The following MAX variants were observed in gnomAD, a reference collection of about 807,000 sequenced individuals.
The protein encoded by MAX is MYC associated transcriptional regulator X, also known as protein max.
In MAX, 3 loss-of-function variants were observed where a neutral mutation model predicts 22.3. The observed-to-expected ratio is 0.13, with a 90% CI of 0.06 to 0.35. The LOEUF (loss-of-function observed/expected upper bound fraction) is 0.35. Ranked by LOEUF, MAX falls within the 10% of genes least tolerant of loss-of-function variation. The pLI is 1.00. For synonymous variants in MAX, 72 were observed against 77.7 expected (o/e 0.93, Z 0.39); for missense variants, 119 against 209.4 (o/e 0.57, Z 2.66).
intron 3 of MAX, among the ~76,000 whole-genome samples, chr14:65,042,574 C>T (rs540025638): frequency 1.3e-5 from 2 of 152,312 alleles, no homozygotes; most frequent in East Asian, 3.9e-4. Flanking sequence ...GGCTCACCCA[C>T]CACTCATGTC....
rs1033614965 is a variant in MAX, at chr14:65,009,407, C to T, written c.172-3123G>A. On this transcript the variant is annotated intron_variant, in intron 3 of 3. Coordinates refer to the MAX transcript ENST00000341653. This position sits in a 1 kb window ranked among gnomAD's most constrained non-coding sequence, Gnocchi z 4.2. ...TCATGTAGATTCCCTAACACACCCA[C>T]CACCGTGGCCACTCCACAGCTCTCC... Among the ~76,000 whole-genome samples, 87 of 152,150 alleles carry T rather than the reference C, an allele frequency of 5.7e-4. No homozygotes were observed. Among genetic ancestry groups the T allele is most frequent in the African/African-American group, 2.1e-3 (86 of 41,422 alleles).
At chr14:65,052,463 T>C (rs538001518) in intron 3 of MAX, among the ~76,000 whole-genome samples, 1 of 152,308 alleles carries the variant, frequency 6.6e-6, no homozygotes, top group Non-Finnish European at 1.5e-5. Flanking sequence ...GTACATCCTA[T>C]ATGTATATAT....
At chr14:65,019,088 G>A (rs1384826583) in intron 3 of MAX, among the ~76,000 whole-genome samples, 2 of 152,138 alleles carry the variant, frequency 1.3e-5, no homozygotes, top group South Asian at 2.1e-4. Flanking sequence ...CAGGAGACTC[G>A]CTTGAACCCG....
Position 65,077,039 on chromosome 14 carries a change from C to T in MAX, c.296-376G>A. ...CATGAGGCTCCACAAGGTGTGAGGCCACACAACAGCAGGAAAGGATGACAT... is the reference window on the plus strand; with the variant it reads ...CATGAGGCTCCACAAGGTGTGAGGCTACACAACAGCAGGAAAGGATGACAT... On this transcript the variant is annotated intron_variant, in intron 4 of 4. Transcript: ENST00000358664. This position sits in a 1 kb window ranked among gnomAD's most constrained non-coding sequence, Gnocchi z 6.3. The T allele has an allele frequency of 3.6e-6, 2 of 548,264 alleles. No individual in the cohort carries two copies. The highest frequency in any genetic ancestry group is 6.5e-6 in the Non-Finnish European group (2 of 307,418). The allele number at this position is 548,264 out of a possible 1,614,324, so 34.0% of individuals were successfully genotyped here.
Position 65,011,245 on chromosome 14 carries a change from T to C in MAX, c.172-4961A>G, listed in dbSNP as rs1373275802. 6.6e-6 allele frequency among the ~76,000 whole-genome samples: 1 copy of C among 152,010 alleles called. No homozygotes were observed. Among genetic ancestry groups the C allele is most frequent in the Non-Finnish European group, 1.5e-5 (1 of 67,994 alleles). On this transcript the variant is annotated intron_variant, in intron 3 of 3. Coordinates refer to the MAX transcript ENST00000341653. The surrounding 1 kb of genome is among the most constrained non-coding windows in gnomAD (Gnocchi z 4.0). ...GAGTTCAAGACCAGCCTGGGCAACA[T>C]GGTGAAACCCCCGTCTCCACTAAAA...
chr14:65,044,703 G>A lies in MAX; in HGVS notation c.172-38419C>T. The A allele has an allele frequency of 2.0e-6, 1 of 510,906 alleles. No individual in the cohort carries two copies. The highest frequency in any genetic ancestry group is 2.8e-5 in the South Asian group (1 of 35,778). The allele number at this position is 510,906 out of a possible 1,614,324, so 31.6% of individuals were successfully genotyped here. A position where few individuals can be genotyped will look rare whatever the true frequency, so the allele number is the denominator to read the frequency against. ...CCTTGAAATTGCTACGGGGAGCGGG[G>A]AGGAAGTGGGCGCTGCTTCTGCGTT... On this transcript the variant is annotated intron_variant, in intron 3 of 3. Transcript: ENST00000341653. The surrounding 1 kb of genome is among the most constrained non-coding windows in gnomAD (Gnocchi z 5.5).
At chr14:65,067,663 G>A (rs1475221355) in intron 3 of MAX, among the ~76,000 whole-genome samples, 1 of 149,130 alleles carries the variant, frequency 6.7e-6, no homozygotes. Flanking sequence ...GTCTTGCTCT[G>A]TCGCCCAGGC....
intron 3 of MAX, among the ~76,000 whole-genome samples, chr14:65,067,943 A>C (rs1441913276): frequency 6.6e-6 from 1 of 152,040 alleles, no homozygotes; most frequent in African/African-American, 2.4e-5. Flanking sequence ...CATGCGTAAC[A>C]GTTTTTTGGA....
At position 65,102,325 on chromosome 14, in the gene MAX, A is replaced by G; in HGVS notation, c.15T>C (p.Asp5=). Reference sequence around the variant, plus strand: ...TCACGTCGCTCTCCACCTCGATGTCATCGTTATCGCTCATTTCCTACGGCC... The same window carrying G: ...TCACGTCGCTCTCCACCTCGATGTCGTCGTTATCGCTCATTTCCTACGGCC... MSDN[D]DIEVESDEEQ... The change falls in exon 1 of 5, where the codon GAT becomes GAC. Residue 5 remains aspartate, a synonymous_variant. Coordinates refer to ENST00000358664, the MANE Select transcript of MAX (RefSeq NM_002382.5). 1 of 1,613,590 alleles carries G rather than the reference A, an allele frequency of 6.2e-7. No individual in the cohort carries two copies.
intron 2 of MAX, among the ~76,000 whole-genome samples, chr14:65,095,905 G>C (rs541020723): frequency 6.6e-6 from 1 of 152,242 alleles, no homozygotes; most frequent in Middle Eastern, 3.4e-3. Flanking sequence ...GTTTCACGTG[G>C]ACCTGCACTA....
intron 3 of MAX, among the ~76,000 whole-genome samples, chr14:65,016,920 G>GTTTTT (rs34191835): frequency 0.074 from 8,429 of 114,576 alleles, 478 homozygotes; most frequent in Admixed American, 0.11. Context: ...GGCCCACGTG[G>GTTTTT]TTTTTTTTTT....
intron 1 of MAX, 44 bp from the exon 2 acceptor site, chr14:65,101,616 T>C (rs1220212541): frequency 2.2e-6 from 3 of 1,389,562 alleles, no homozygotes; most frequent in Admixed American, 1.8e-5. Flanking sequence ...ATAGAAGTTA[T>C]TTTTACACTT....
chr14:65,061,060 TTGTG>T, intron 3 of MAX: 2 of 1,486,086 alleles, frequency 1.3e-6, no homozygotes, highest in Non-Finnish European at 1.8e-6. Flanking sequence ...CCTTTGGGCT[TTGTG>T]TGTATCTCTG....
At chr14:65,070,361 T>C (rs559891831), downstream of MAX, among the ~76,000 whole-genome samples, 2 of 152,306 alleles carry the variant, frequency 1.3e-5, no homozygotes, top group South Asian at 4.1e-4. The surrounding 1 kb of genome is among the most constrained non-coding windows in gnomAD (Gnocchi z 4.4). Context: ...TTCTCTAGCC[T>C]TTAATTTACT....
intron 3 of MAX, among the ~76,000 whole-genome samples, chr14:65,085,536 TC>T (rs2063308387): frequency 6.6e-6 from 1 of 152,132 alleles, no homozygotes; most frequent in South Asian, 2.1e-4. Context: ...TATGACAGTC[TC>T]CCAGAAGGAA....
At chr14:65,016,803 G>A (rs2061781695) in intron 3 of MAX, among the ~76,000 whole-genome samples, 1 of 152,114 alleles carries the variant, frequency 6.6e-6, no homozygotes, top group African/African-American at 2.4e-5. Flanking sequence ...AGAGGCAAGT[G>A]CATTGTTTTG....
chr14:65,046,266 G>A (rs1017627842), intron 3 of MAX, among the ~76,000 whole-genome samples: 3 of 152,176 alleles, frequency 2.0e-5, no homozygotes, highest in East Asian at 1.9e-4. Flanking sequence ...GTGAGCCACC[G>A]TGCCTGGCCC....
chr14:65,084,349 G>C lies in MAX; in HGVS notation c.172-6313C>G. 8.8e-7 allele frequency: 1 copy of C among 1,139,032 alleles called. No homozygotes were observed. The allele number at this position is 1,139,032 out of a possible 1,614,324, so 70.6% of individuals were successfully genotyped here. On this transcript the variant is annotated intron_variant, in intron 3 of 4. Transcript: ENST00000358664. The surrounding 1 kb of genome is among the most constrained non-coding windows in gnomAD (Gnocchi z 4.3). The stretch of plus-strand genomic sequence containing the variant: ...CAATTAATTTCACAAGTAATAAATA[G>C]AATACAAAATTACTAACTTTTGTTT...
At position 65,076,802 on chromosome 14, in the gene MAX, C is replaced by T; in HGVS notation, c.296-139G>A. On this transcript the variant is annotated intron_variant, in intron 4 of 4. Coordinates refer to ENST00000358664, the MANE Select transcript of MAX (RefSeq NM_002382.5). The surrounding 1 kb of genome is among the most constrained non-coding windows in gnomAD (Gnocchi z 6.6). ...GGCTCAAGATGCTCAGAAGTAGCTC[C>T]CTTCGGGTGGCTGTTCACTCACACA... is the stretch of plus-strand genomic sequence containing the variant. 2 of 933,058 alleles carry T rather than the reference C, an allele frequency of 2.1e-6. No individual in the cohort carries two copies. The highest frequency in any genetic ancestry group is 1.6e-5 in the African/African-American group (1 of 61,692). The allele number at this position is 933,058 out of a possible 1,614,324, so 57.8% of individuals were successfully genotyped here.
Sources: allele counts gnomAD v4.1 joint callset (sites outside exome capture counted in the v4.1 genomes callset), GRCh38; gene constraint gnomAD v4.1.1; non-coding constraint Gnocchi (gnomAD v3.1); transcripts MANE v1.5; gene names NCBI Gene and HGNC (gene_info 2026-07-23, HGNC 2026-07-21).